Variants in BMPR2 observed in about 807,000 individuals in gnomAD.
BMPR2 encodes bone morphogenetic protein receptor type-2.
BMPR2 carries 29 observed loss-of-function variants against 100.8 expected under a neutral mutation model. The observed-to-expected ratio is 0.29, with a 90% CI of 0.21 to 0.39. The LOEUF (loss-of-function observed/expected upper bound fraction) is 0.39. Ranked by LOEUF, BMPR2 falls within the 10% of genes least tolerant of loss-of-function variation. BMPR2 has a pLI of 1.00. For missense variants in BMPR2, 1,011 were observed against 1,274.5 expected, an observed-to-expected ratio of 0.79 and a Z score of 3.15; for synonymous variants, 382 against 442.3, an observed-to-expected ratio of 0.86 and a Z score of 1.71.
chr2:202,391,842 A>G (rs953409834), intron 1 of BMPR2, among the ~76,000 whole-genome samples: 35 of 150,954 alleles, frequency 2.3e-4, no homozygotes, highest in African/African-American at 8.3e-4. Flanking sequence ...GCTCACTGCA[A>G]CCTCCGCCTC....
intron 3 of BMPR2, among the ~76,000 whole-genome samples, chr2:202,480,815 C>CCCA (rs1356037031): frequency 8.6e-5 from 13 of 151,574 alleles, no homozygotes; most frequent in Non-Finnish European, 1.9e-4. Flanking sequence ...ATTAGCCAGG[C>CCCA]GTGGTGGCAT....
At chr2:202,550,822 G>A (rs565533647) in intron 10 of BMPR2, among the ~76,000 whole-genome samples, 22 of 152,084 alleles carry the variant, frequency 1.4e-4, no homozygotes, top group African/African-American at 5.3e-4. Flanking sequence ...TTTTTAAAAA[G>A]GAGTTACAAA....
intron 1 of BMPR2, among the ~76,000 whole-genome samples, chr2:202,398,997 G>A (rs1470263732): frequency 2.6e-5 from 4 of 152,100 alleles, no homozygotes; most frequent in African/African-American, 9.7e-5. Context: ...CCATGGTGGC[G>A]CATGCCTGTA....
At chr2:202,402,977 C>T (rs940172985) in intron 1 of BMPR2, among the ~76,000 whole-genome samples, 3 of 151,100 alleles carry the variant, frequency 2.0e-5, no homozygotes, top group Non-Finnish European at 4.4e-5. Context: ...TACAGGCATG[C>T]GCCACCACGC....
Position 202,567,219 on chromosome 2 carries a change from G to A in BMPR2, c.*7273G>A, listed in dbSNP as rs774176078. 1.2e-4 allele frequency: 19 copies of A among 152,708 alleles called. No individual in the cohort carries two copies. The highest frequency in any genetic ancestry group is 2.5e-4 in the Non-Finnish European group (17 of 68,030). The allele number at this position is 152,708 out of a possible 1,614,324, so 9.5% of individuals were successfully genotyped here. A position where few individuals can be genotyped will look rare whatever the true frequency, so the allele number is the denominator to read the frequency against. ...TGTAGTAGCTGAAACATGGAGATGC[G>A]TAGCTGTCATGCTTTTTCTGAATGG... On this transcript the variant is annotated 3_prime_UTR_variant, in exon 13 of 13. Transcript: ENST00000374580.
intron 1 of BMPR2, among the ~76,000 whole-genome samples, chr2:202,390,489 G>A (rs1344469198): frequency 4.0e-5 from 6 of 151,872 alleles, no homozygotes; most frequent in Non-Finnish European, 8.8e-5. Context: ...GTGCCACCAT[G>A]CCTGGCTAAT....
At chr2:202,383,712 G>A (rs1443160225) in intron 1 of BMPR2, among the ~76,000 whole-genome samples, 3 of 151,310 alleles carry the variant, frequency 2.0e-5, no homozygotes, top group East Asian at 1.9e-4. Context: ...TTAGCCACGC[G>A]TGGTGGTGCA....
At chr2:202,549,531 C>T (rs1390990812) in intron 10 of BMPR2, among the ~76,000 whole-genome samples, 1 of 151,822 alleles carries the variant, frequency 6.6e-6, no homozygotes, top group African/African-American at 2.4e-5. Flanking sequence ...TGTGACCGGG[C>T]GCAGTGGCGG....
At chr2:202,470,593 C>G (rs1223897243) in intron 3 of BMPR2, among the ~76,000 whole-genome samples, 1 of 150,462 alleles carries the variant, frequency 6.6e-6, no homozygotes, top group Non-Finnish European at 1.5e-5. Flanking sequence ...AACCCCGTCT[C>G]TACTAAAAAT....
intron 3 of BMPR2, among the ~76,000 whole-genome samples, chr2:202,478,060 C>G (rs1411555737): frequency 6.6e-6 from 1 of 152,170 alleles, no homozygotes; most frequent in Non-Finnish European, 1.5e-5. Flanking sequence ...GGTGCACGTT[C>G]CTAGCTTAGG....
chr2:202,427,298 C>T (rs945351092), intron 1 of BMPR2, among the ~76,000 whole-genome samples: 9 of 148,892 alleles, frequency 6.0e-5, no homozygotes, highest in Non-Finnish European at 1.0e-4. Flanking sequence ...AGATTGAGAC[C>T]TCAGTGAGCT....
At chr2:202,558,809 C>T (rs1688629328) in intron 12 of BMPR2, among the ~76,000 whole-genome samples, 1 of 149,478 alleles carries the variant, frequency 6.7e-6, no homozygotes. Context: ...AGGTGACTTG[C>T]TTGAACCTGG....
At chr2:202,392,090 A>G (rs1388616909) in intron 1 of BMPR2, among the ~76,000 whole-genome samples, 1 of 129,978 alleles carries the variant, frequency 7.7e-6, no homozygotes, top group Non-Finnish European at 1.6e-5. Context: ...TTTTTTTTTG[A>G]AAGAAGTCTC....
chr2:202,519,886 C>T (rs180710814), intron 6 of BMPR2, among the ~76,000 whole-genome samples: 101 of 152,012 alleles, frequency 6.6e-4, no homozygotes, highest in African/African-American at 2.4e-3. Flanking sequence ...TGTTTAAATT[C>T]CCCTTTCCAT....
At chr2:202,529,675 A>C (rs1233843577) in intron 7 of BMPR2, among the ~76,000 whole-genome samples, 1 of 152,032 alleles carries the variant, frequency 6.6e-6, no homozygotes, top group Non-Finnish European at 1.5e-5. Flanking sequence ...GAAATTGGTA[A>C]CTCCTATTTT....
At chr2:202,393,309 A>G (rs1172376357) in intron 1 of BMPR2, among the ~76,000 whole-genome samples, 1 of 152,176 alleles carries the variant, frequency 6.6e-6, no homozygotes, top group Non-Finnish European at 1.5e-5. Context: ...AAAATATTTT[A>G]CTAAGTTTCT....
chr2:202,386,826 G>T (rs369486380), intron 1 of BMPR2, among the ~76,000 whole-genome samples: 1 of 151,956 alleles, frequency 6.6e-6, no homozygotes, highest in Non-Finnish European at 1.5e-5. Context: ...GATTACAGGC[G>T]CGTGCCACCA....
intron 11 of BMPR2, among the ~76,000 whole-genome samples, chr2:202,553,376 A>G (rs924886845): frequency 3.9e-5 from 6 of 152,084 alleles, no homozygotes; most frequent in Non-Finnish European, 8.8e-5. Flanking sequence ...CTACTTTTAT[A>G]TGAAAGCAAT....
chr2:202,552,918 A>C (rs750067872), intron 11 of BMPR2, 30 bp downstream of exon 11: 11 of 1,613,252 alleles, frequency 6.8e-6, no homozygotes, highest in Non-Finnish European at 9.3e-6. Flanking sequence ...GGCATCTATC[A>C]ATCAGTATTA....
Sources: allele counts gnomAD v4.1 joint callset (sites outside exome capture counted in the v4.1 genomes callset), GRCh38; gene constraint gnomAD v4.1.1; transcripts MANE v1.5; gene names NCBI Gene and HGNC (gene_info 2026-07-23, HGNC 2026-07-21).